CNTN4: variants seen among roughly 807,000 people sequenced by gnomAD.
The protein encoded by CNTN4 is contactin-4.
In CNTN4, 77 loss-of-function variants were observed where a neutral mutation model predicts 122.5. The ratio of observed to expected loss-of-function variants is 0.63; its 90% confidence interval spans 0.52 to 0.76. The LOEUF (loss-of-function observed/expected upper bound fraction) is 0.76. CNTN4 is among the 30% of genes least tolerant of loss of function. The pLI is 0.00. For synonymous variants in CNTN4, 512 were observed against 447.0 expected, an observed-to-expected ratio of 1.15 and a Z score of -1.83; for missense variants, 1,256 against 1,259.1, an observed-to-expected ratio of 1.00 and a Z score of 0.04.
At chr3:2,685,566 A>T (rs1028140006) in intron 4 of CNTN4, among the ~76,000 whole-genome samples, 1 of 152,188 alleles carries the variant, frequency 6.6e-6, no homozygotes, top group East Asian at 1.9e-4. Flanking sequence ...ACAATTATGC[A>T]AATAGTGTGA....
rs1199762264 is a variant in CNTN4, at chr3:2,328,069, GTTATA to G, written c.-144-11103_-144-11099del. ...GCTAAGTTCTTCCTGGTTTATTACT[GTTATA>G]TTATACCCTTTTGTCTTCCAATCAT... On this transcript the variant is annotated intron_variant, in intron 2 of 24. Coordinates refer to ENST00000418658, the MANE Select transcript of CNTN4 (RefSeq NM_175607.3). Among the ~76,000 whole-genome samples, 3 of 152,142 alleles carry G rather than the reference GTTATA, an allele frequency of 2.0e-5. No homozygotes were observed. The East Asian group carries it at 5.8e-4, about 29-fold the overall frequency.
intron 13 of CNTN4, among the ~76,000 whole-genome samples, chr3:2,947,619 G>A (rs1253950475): frequency 6.6e-6 from 1 of 152,014 alleles, no homozygotes; most frequent in Non-Finnish European, 1.5e-5. Flanking sequence ...GTTATTTTTT[G>A]GTTTTTTGTT....
chr3:2,125,803 G>T (rs1352772590), intron 2 of CNTN4, among the ~76,000 whole-genome samples: 1 of 151,846 alleles, frequency 6.6e-6, no homozygotes, highest in African/African-American at 2.4e-5. Flanking sequence ...TGATCCGCCC[G>T]CCTCAGCCTC....
At position 2,582,472 on chromosome 3, in the gene CNTN4, G is replaced by A. The variant is rs140742922; in HGVS notation, c.55+10914G>A. On this transcript the variant is annotated intron_variant, in intron 4 of 24. Coordinates refer to ENST00000418658, the MANE Select transcript of CNTN4 (RefSeq NM_175607.3). ...TTTTATAGTCATGGAAGGTGGCTGG[G>A]ATTGGGGGCGGCGGGGAGGGGCAGT... Among the ~76,000 whole-genome samples, 42 of 147,518 alleles carry A rather than the reference G, an allele frequency of 2.8e-4. 1 individual carries two copies. The highest frequency in any genetic ancestry group is 8.4e-4 in the African/African-American group (34 of 40,620).
At chr3:2,188,342 C>A (rs2037370534) in intron 2 of CNTN4, among the ~76,000 whole-genome samples, 1 of 152,100 alleles carries the variant, frequency 6.6e-6, no homozygotes, top group Admixed American at 6.6e-5. Flanking sequence ...TTCTGTGAGT[C>A]CATGTTGAAG....
At chr3:2,747,910 A>G (rs1008374074) in intron 6 of CNTN4, among the ~76,000 whole-genome samples, 10 of 151,964 alleles carry the variant, frequency 6.6e-5, no homozygotes, top group Non-Finnish European at 7.3e-5. Flanking sequence ...AAATATCTCA[A>G]TTTCTATCAC....
chr3:2,859,868 G>T (rs1342326122), intron 7 of CNTN4, among the ~76,000 whole-genome samples: 1 of 152,002 alleles, frequency 6.6e-6, no homozygotes, highest in Non-Finnish European at 1.5e-5. Flanking sequence ...CTGCACCCTA[G>T]AAAAATGCTC....
At chr3:2,718,050 G>A (rs1462970920) in intron 4 of CNTN4, among the ~76,000 whole-genome samples, 1 of 151,722 alleles carries the variant, frequency 6.6e-6, no homozygotes, top group Non-Finnish European at 1.5e-5. Flanking sequence ...CTTTTCATAT[G>A]TTGAATACTA....
intron 4 of CNTN4, among the ~76,000 whole-genome samples, chr3:2,588,226 T>C (rs1269765594): frequency 6.6e-6 from 1 of 152,120 alleles, no homozygotes; most frequent in East Asian, 1.9e-4. Flanking sequence ...TCACCACAAG[T>C]ATAAGACTGT....
intron 2 of CNTN4, among the ~76,000 whole-genome samples, chr3:2,171,196 C>A (rs988286679): frequency 6.6e-6 from 1 of 152,082 alleles, no homozygotes; most frequent in African/African-American, 2.4e-5. Context: ...CCTAAATGTC[C>A]ACCAGGAAAT....
chr3:2,199,245 G>T (rs1022099389), intron 2 of CNTN4, among the ~76,000 whole-genome samples: 1 of 152,078 alleles, frequency 6.6e-6, no homozygotes, highest in African/African-American at 2.4e-5. Context: ...GAAGGATTCT[G>T]TGACTCCACC....
chr3:2,708,727 T>TCACACACACACACA (rs10530575), intron 4 of CNTN4, among the ~76,000 whole-genome samples: 1 of 150,894 alleles, frequency 6.6e-6, no homozygotes, highest in African/African-American at 2.4e-5. Flanking sequence ...CACGCGCGCA[T>TCACACACACACACA]CACACACACA....
chr3:2,134,930 A>T (rs2125300250), intron 2 of CNTN4, among the ~76,000 whole-genome samples: 1 of 152,298 alleles, frequency 6.6e-6, no homozygotes, highest in Non-Finnish European at 1.5e-5. Context: ...CATCCAAAAT[A>T]TCCTCACAGA....
chr3:2,816,011 G>A (rs2092718560), intron 6 of CNTN4, among the ~76,000 whole-genome samples: 2 of 152,046 alleles, frequency 1.3e-5, no homozygotes, highest in African/African-American at 2.4e-5. Flanking sequence ...AATATCGTAT[G>A]TTCTCACTGA....
intron 24 of CNTN4, 150 bp downstream of exon 24, chr3:3,054,125 G>A: frequency 1.2e-6 from 1 of 845,064 alleles, no homozygotes; most frequent in South Asian, 1.6e-5. Flanking sequence ...ATGTTTGCTG[G>A]CCATAGGCAG....
At chr3:2,544,311 C>T (rs563051051) in intron 3 of CNTN4, among the ~76,000 whole-genome samples, 1 of 152,054 alleles carries the variant, frequency 6.6e-6, no homozygotes, top group Non-Finnish European at 1.5e-5. Context: ...AAAGATTGTT[C>T]TTCTGCAATC....
At chr3:2,584,119 T>G (rs1468432771) in intron 4 of CNTN4, among the ~76,000 whole-genome samples, 3 of 152,214 alleles carry the variant, frequency 2.0e-5, no homozygotes, top group Non-Finnish European at 2.9e-5. Context: ...TAGTCAGCAC[T>G]TAATAATAAT....
At position 3,034,662 on chromosome 3, in the gene CNTN4, T is replaced by C. The variant is rs1384233065; in HGVS notation, c.1814T>C (p.Ile605Thr). 2 of 1,614,092 alleles carry C rather than the reference T, an allele frequency of 1.2e-6. No homozygotes were observed. The highest frequency in any genetic ancestry group is 2.2e-5 in the East Asian group (1 of 44,864). The change falls in exon 17 of 25, where the codon ATA (isoleucine) becomes ACA (threonine). Residue 605 changes from isoleucine (I) to threonine (T), a missense_variant. By Grantham distance (89) the Ile-to-Thr change is moderately conservative. Coordinates refer to ENST00000418658, the MANE Select transcript of CNTN4 (RefSeq NM_175607.3). ...GPPGPPEAVT[I>T]DEITDTTAQL... ...CCAGGTCCCCCAGAGGCTGTGACAA[T>C]AGACGAAATCACAGATACCACTGCT...
intron 13 of CNTN4, among the ~76,000 whole-genome samples, chr3:2,930,736 C>T (rs144613093): frequency 4.3e-4 from 65 of 152,244 alleles, no homozygotes; most frequent in African/African-American, 1.2e-3. Context: ...GTGAATCTAG[C>T]CAATTCCAGT....
Sources: gnomAD v4.1 joint callset for allele counts (sites outside exome capture counted in the v4.1 genomes callset) on GRCh38, gnomAD v4.1.1 for gene constraint, MANE v1.5 for transcripts, NCBI Gene and HGNC (gene_info 2026-07-23, HGNC 2026-07-21) for gene names.